The following POFUT3 variants were observed in gnomAD, a reference collection of about 807,000 sequenced individuals.
The protein encoded by POFUT3 is GDP-fucose protein O-fucosyltransferase 3.
At chr8:33,458,077 G>A in the POFUT3 span, among the ~76,000 whole-genome samples, 1 of 152,228 alleles carries the variant, frequency 6.6e-6, no homozygotes, top group South Asian at 2.1e-4. Context: ...GTTAAAACGG[G>A]TGGGCCCTAA....
the POFUT3 span, among the ~76,000 whole-genome samples, chr8:33,402,302 A>G: frequency 6.6e-6 from 1 of 152,206 alleles, no homozygotes; most frequent in Non-Finnish European, 1.5e-5. Context: ...TTTGAAAGCA[A>G]GTCTATCTAC....
the POFUT3 span, among the ~76,000 whole-genome samples, chr8:33,330,382 T>C: frequency 6.6e-6 from 1 of 152,132 alleles, no homozygotes; most frequent in African/African-American, 2.4e-5. Context: ...AGGCGGAGTT[T>C]GCAGTGAGCC....
the POFUT3 span, among the ~76,000 whole-genome samples, chr8:33,391,248 G>A: frequency 6.6e-6 from 1 of 152,196 alleles, no homozygotes; most frequent in African/African-American, 2.4e-5. Flanking sequence ...ATCAAGAAAG[G>A]CTTTTAAACA....
the POFUT3 span, among the ~76,000 whole-genome samples, chr8:33,472,198 A>C: frequency 0.022 from 3,380 of 152,350 alleles, 59 homozygotes; most frequent in East Asian, 0.077. Context: ...CCAGAGCTGG[A>C]TGCATTCCAC....
At chr8:33,373,058 C>T in the POFUT3 span, among the ~76,000 whole-genome samples, 3 of 152,134 alleles carry the variant, frequency 2.0e-5, no homozygotes, top group East Asian at 1.9e-4. Context: ...TACTTAAGAT[C>T]GAATATAGTT....
At chr8:33,382,674 C>A in the POFUT3 span, among the ~76,000 whole-genome samples, 2 of 152,106 alleles carry the variant, frequency 1.3e-5, no homozygotes. Context: ...AACTGAAGAC[C>A]CAAATCATCA....
At chr8:33,328,218 G>A in the POFUT3 span, among the ~76,000 whole-genome samples, 2 of 152,026 alleles carry the variant, frequency 1.3e-5, no homozygotes, top group African/African-American at 2.4e-5. Context: ...CAGTGTCATC[G>A]GATGAACCCA....
At chr8:33,448,944 A>T in the POFUT3 span, among the ~76,000 whole-genome samples, 1 of 151,964 alleles carries the variant, frequency 6.6e-6, no homozygotes. Flanking sequence ...AAAAAAAAAG[A>T]CTCTAAGTCT....
At chr8:33,441,905 A>G in the POFUT3 span, among the ~76,000 whole-genome samples, 1 of 152,060 alleles carries the variant, frequency 6.6e-6, no homozygotes, top group Non-Finnish European at 1.5e-5. Flanking sequence ...CTGCCTCCCA[A>G]TGCCAGCCAG....
the POFUT3 span, among the ~76,000 whole-genome samples, chr8:33,427,619 A>G: frequency 6.6e-6 from 1 of 152,128 alleles, no homozygotes; most frequent in South Asian, 2.1e-4. Flanking sequence ...ATCTTGCTAT[A>G]ACCAGTAATT....
the POFUT3 span, among the ~76,000 whole-genome samples, chr8:33,374,668 G>A: frequency 6.6e-6 from 1 of 152,054 alleles, no homozygotes; most frequent in Non-Finnish European, 1.5e-5. Context: ...GATAGCATGA[G>A]GGGAAGCCAG....
chr8:33,314,221 G>T, the POFUT3 span, among the ~76,000 whole-genome samples: 2 of 152,256 alleles, frequency 1.3e-5, no homozygotes, highest in South Asian at 4.2e-4. Flanking sequence ...AGAGAGAACA[G>T]GCTGTGTGCC....
chr8:33,313,821 C>T, the POFUT3 span, among the ~76,000 whole-genome samples: 1 of 152,046 alleles, frequency 6.6e-6, no homozygotes, highest in Non-Finnish European at 1.5e-5. Flanking sequence ...AATCACATTG[C>T]ACTGTTGACT....
At chr8:33,384,144 T>A in the POFUT3 span, among the ~76,000 whole-genome samples, 1 of 152,058 alleles carries the variant, frequency 6.6e-6, no homozygotes, top group African/African-American at 2.4e-5. Context: ...GTAGGTATTA[T>A]GAGTTATTGG....
At chr8:33,386,104 G>A in the POFUT3 span, among the ~76,000 whole-genome samples, 5 of 145,728 alleles carry the variant, frequency 3.4e-5, no homozygotes, top group Admixed American at 2.1e-4. Flanking sequence ...CACGAGAATC[G>A]CTTGAGCCTA....
At chr8:33,434,475 G>A in the POFUT3 span, among the ~76,000 whole-genome samples, 1 of 152,166 alleles carries the variant, frequency 6.6e-6, no homozygotes, top group African/African-American at 2.4e-5. Context: ...CAAGCTAATG[G>A]GAAGGCCACT....
chr8:33,431,352 G>T, the POFUT3 span, among the ~76,000 whole-genome samples: 2 of 151,398 alleles, frequency 1.3e-5, no homozygotes, highest in African/African-American at 4.9e-5. Flanking sequence ...TTCAAGACCA[G>T]CCTGGCCAAT....
the POFUT3 span, among the ~76,000 whole-genome samples, chr8:33,331,061 G>A: frequency 1.5e-3 from 223 of 152,124 alleles, no homozygotes; most frequent in African/African-American, 5.2e-3. Flanking sequence ...ACTGAGTAGG[G>A]CTGGGCATGG....
the POFUT3 span, among the ~76,000 whole-genome samples, chr8:33,309,151 A>T: frequency 2.4e-3 from 100 of 42,544 alleles, no homozygotes; most frequent in East Asian, 0.013. Context: ...AAAAAAAAAA[A>T]AAAAAAAAAA....
Sources: gnomAD v4.1 joint callset for allele counts (sites outside exome capture counted in the v4.1 genomes callset) on GRCh38, gnomAD v4.1.1 for gene constraint, MANE v1.5 for transcripts, NCBI Gene and HGNC (gene_info 2026-07-23, HGNC 2026-07-21) for gene names.